The following ZSWIM5 variants were observed in gnomAD, a reference collection of about 807,000 sequenced individuals.
ZSWIM5 encodes the protein zinc finger SWIM-type containing 5.
Under a neutral mutation model 119.6 loss-of-function variants are expected in ZSWIM5, and 55 were observed. The observed-to-expected ratio is 0.46, with a 90% CI of 0.37 to 0.58. ZSWIM5 has a LOEUF of 0.58. ZSWIM5 is among the 20% of genes least tolerant of loss of function. ZSWIM5 has a pLI of 0.00. For synonymous variants in ZSWIM5, 537 were observed against 606.9 expected (o/e 0.88, Z 1.69); for missense variants, 1,193 against 1,512.8 (o/e 0.79, Z 3.51).
intron 1 of ZSWIM5, among the ~76,000 whole-genome samples, chr1:45,128,119 A>G (rs1195213507): frequency 6.6e-6 from 1 of 152,238 alleles, no homozygotes; most frequent in East Asian, 1.9e-4. Context: ...AGACATAGAC[A>G]ACATAGACAA....
chr1:45,117,032 G>T (rs1645562691), intron 1 of ZSWIM5, among the ~76,000 whole-genome samples: 1 of 152,182 alleles, frequency 6.6e-6, no homozygotes, highest in Admixed American at 6.5e-5. Context: ...ATTTTATTAT[G>T]CAATAGTTGG....
At chr1:45,024,253 G>A (rs533692264) in intron 11 of ZSWIM5, among the ~76,000 whole-genome samples, 80 of 144,022 alleles carry the variant, frequency 5.6e-4, no homozygotes, top group Middle Eastern at 3.8e-3. Context: ...TGCAATGGCC[G>A]TGATCTGGGC....
In ZSWIM5 at chr1:45,034,710, C is replaced by T. The variant is rs903976338; in HGVS notation, c.2292-241G>A. Among the ~76,000 whole-genome samples the T allele has an allele frequency of 4.6e-5, 7 of 152,198 alleles. No homozygotes were observed. In the South Asian group the frequency reaches 8.3e-4, roughly 18 times the overall value. On this transcript the variant is annotated intron_variant, in intron 10 of 13. Transcript: ENST00000359600. ...ATGTGAAAGGCCGTTCAAGAGCTAT[C>T]GGGTTGAATAGTATGATATATTGTA...
chr1:45,172,448 T>A (rs1470412931), intron 1 of ZSWIM5, among the ~76,000 whole-genome samples: 6 of 152,162 alleles, frequency 3.9e-5, no homozygotes, highest in African/African-American at 1.2e-4. Context: ...AAAATATTTT[T>A]AAAAATATTT....
chr1:45,095,055 G>A (rs893374470), intron 1 of ZSWIM5, among the ~76,000 whole-genome samples: 10 of 151,920 alleles, frequency 6.6e-5, no homozygotes, highest in African/African-American at 2.4e-4. Flanking sequence ...ACCTCTGTAT[G>A]AATCTCTAAA....
chr1:45,059,444 TC>T (rs1289760280), intron 3 of ZSWIM5, among the ~76,000 whole-genome samples: 4 of 152,136 alleles, frequency 2.6e-5, no homozygotes, highest in African/African-American at 4.8e-5. Context: ...CATATGAAAG[TC>T]CAGAATAGGG....
At chr1:45,177,006 C>CTT (rs1645985116) in intron 1 of ZSWIM5, among the ~76,000 whole-genome samples, 1 of 152,040 alleles carries the variant, frequency 6.6e-6, no homozygotes, top group Non-Finnish European at 1.5e-5. Context: ...TTCCTTTTCT[C>CTT]TTGCTTCTCC....
chr1:45,067,946 A>G (rs1391910308), intron 2 of ZSWIM5, among the ~76,000 whole-genome samples: 1 of 152,166 alleles, frequency 6.6e-6, no homozygotes, highest in African/African-American at 2.4e-5. Context: ...AGAAATGGTG[A>G]CAAGTGAAGA....
chr1:45,056,263 A>G (rs185875914), intron 4 of ZSWIM5, among the ~76,000 whole-genome samples: 1 of 152,174 alleles, frequency 6.6e-6, no homozygotes, highest in East Asian at 1.9e-4. Context: ...GACAGTTGGA[A>G]TATCAAAGGA....
intron 1 of ZSWIM5, among the ~76,000 whole-genome samples, chr1:45,119,242 G>T (rs1218369580): frequency 6.6e-6 from 1 of 152,082 alleles, no homozygotes; most frequent in Admixed American, 6.6e-5. Context: ...TTATAGTCCT[G>T]CTTACCTCAC....
rs746764436 is a variant in ZSWIM5 at position 45,190,927 on chromosome 1, A to ATTTTTTTTTTTT, written c.595+14817_595+14828dup. 3.1e-4 allele frequency among the ~76,000 whole-genome samples: 15 copies of ATTTTTTTTTTTT among 49,008 alleles called. 4 individuals carry two copies. Among genetic ancestry groups the ATTTTTTTTTTTT allele is most frequent in the South Asian group, 1.8e-3 (2 of 1,084 alleles). The allele number at this position is 49,008 out of a possible 152,430, so 32.2% of individuals were successfully genotyped here. A position where few individuals can be genotyped will look rare whatever the true frequency, so the allele number is the denominator to read the frequency against. ...TCCATGTTCGACTGAAATAGCTGGA[A>ATTTTTTTTTTTT]TTTTTTTTTTTTTTTTTTTTTTTTT... On this transcript the variant is annotated intron_variant, in intron 1 of 13. Coordinates refer to ENST00000359600, the MANE Select transcript of ZSWIM5 (RefSeq NM_020883.2).
At chr1:45,205,709 G>A (rs1646183821) in intron 1 of ZSWIM5, 47 bp downstream of exon 1, 2 of 1,471,764 alleles carry the variant, frequency 1.4e-6, no homozygotes, top group Non-Finnish European at 1.8e-6. Flanking sequence ...AGAGGCACCC[G>A]CGGAAGAGGA....
intron 1 of ZSWIM5, among the ~76,000 whole-genome samples, chr1:45,177,145 G>T (rs950806578): frequency 1.3e-5 from 2 of 152,026 alleles, no homozygotes; most frequent in African/African-American, 4.8e-5. Flanking sequence ...TAGCTATTTT[G>T]CTATACAGTG....
chr1:45,133,984 A>G (rs1645674497), intron 1 of ZSWIM5, among the ~76,000 whole-genome samples: 1 of 152,170 alleles, frequency 6.6e-6, no homozygotes, highest in Non-Finnish European at 1.5e-5. Flanking sequence ...CTGTTTTGGT[A>G]CCAGTACCAT....
At chr1:45,107,443 C>A (rs974562988) in intron 1 of ZSWIM5, among the ~76,000 whole-genome samples, 4 of 151,760 alleles carry the variant, frequency 2.6e-5, no homozygotes, top group African/African-American at 9.7e-5. Context: ...TTGAGACCAT[C>A]CTGGCTAACA....
Position 45,057,481 on chromosome 1 carries a change from T to G in ZSWIM5, c.1252+1128A>C, listed in dbSNP as rs954953145. ...AGCCCAAGTTCACAGCACAATCCTG[T>G]GACTGGTTCAGAAATTAAGACATTC... On this transcript the variant is annotated intron_variant, in intron 4 of 13. Coordinates refer to ENST00000359600, the MANE Select transcript of ZSWIM5 (RefSeq NM_020883.2). The surrounding 1 kb of genome is among the most constrained non-coding windows in gnomAD (Gnocchi z 4.7). Among the ~76,000 whole-genome samples the G allele has an allele frequency of 2.6e-5, 4 of 152,160 alleles. No homozygotes were observed. Among genetic ancestry groups the G allele is most frequent in the Non-Finnish European group, 5.9e-5 (4 of 68,020 alleles).
chr1:45,063,826 C>T (rs1434971475), intron 2 of ZSWIM5, among the ~76,000 whole-genome samples: 1 of 151,784 alleles, frequency 6.6e-6, no homozygotes, highest in Non-Finnish European at 1.5e-5. Flanking sequence ...ACTAAAAATA[C>T]AAAAAATTAG....
chr1:45,197,659 T>C (rs1156956778), intron 1 of ZSWIM5, among the ~76,000 whole-genome samples: 1 of 152,230 alleles, frequency 6.6e-6, no homozygotes, highest in African/African-American at 2.4e-5. Flanking sequence ...AAAAAGTTTG[T>C]GAAGTTTGTG....
At chr1:45,196,229 C>G (rs1469549285) in intron 1 of ZSWIM5, among the ~76,000 whole-genome samples, 1 of 151,214 alleles carries the variant, frequency 6.6e-6, no homozygotes, top group African/African-American at 2.4e-5. Context: ...TATAAAATTA[C>G]CTGGGAGCTT....
Sources: allele counts gnomAD v4.1 joint callset (sites outside exome capture counted in the v4.1 genomes callset), GRCh38; gene constraint gnomAD v4.1.1; non-coding constraint Gnocchi (gnomAD v3.1); transcripts MANE v1.5; gene names NCBI Gene and HGNC (gene_info 2026-07-23, HGNC 2026-07-21).